RRBP1: variants seen among roughly 807,000 people sequenced by gnomAD.
RRBP1 encodes the protein ribosome binding protein 1.
Under a neutral mutation model 165.2 loss-of-function variants are expected in RRBP1, and 94 were observed. That is an observed-to-expected ratio of 0.57 (90% CI 0.48 to 0.68). RRBP1 has a LOEUF of 0.68. Ranked by LOEUF, RRBP1 falls within the 30% of genes least tolerant of loss-of-function variation. The probability of loss-of-function intolerance (pLI) is 0.00; values close to 1 mark genes in which losing one functional copy is unlikely to be tolerated. For synonymous variants in RRBP1, 680 were observed against 714.5 expected (o/e 0.95, Z 0.77); for missense variants, 1,676 against 1,763.0 (o/e 0.95, Z 0.88).
At chr20:17,627,059 G>A (rs2036037449) in intron 11 of RRBP1, among the ~76,000 whole-genome samples, 2 of 152,230 alleles carry the variant, frequency 1.3e-5, no homozygotes, top group South Asian at 4.1e-4. Context: ...TTCCCACAGA[G>A]AGATGGACAG....
At chr20:17,641,983 C>A in intron 4 of RRBP1, 64 bp from the exon 5 acceptor site, 1 of 1,552,918 alleles carries the variant, frequency 6.4e-7, no homozygotes. Context: ...CCCCTGACCC[C>A]GGACAAGAGC....
chr20:17,614,685 G>A, intron 24 of RRBP1, 52 bp downstream of exon 24: 1 of 1,600,166 alleles, frequency 6.2e-7, no homozygotes, highest in Non-Finnish European at 8.5e-7. Flanking sequence ...TGCCTCCCCG[G>A]GGCTCCCGGC....
intron 2 of RRBP1, among the ~76,000 whole-genome samples, chr20:17,673,876 G>A (rs758357314): frequency 6.6e-6 from 1 of 152,096 alleles, no homozygotes; most frequent in Non-Finnish European, 1.5e-5. Context: ...TTTTCATTAA[G>A]AGTCTCAATA....
At chr20:17,648,545 A>G (rs1191887486) in intron 3 of RRBP1, among the ~76,000 whole-genome samples, 2 of 152,242 alleles carry the variant, frequency 1.3e-5, no homozygotes, top group African/African-American at 4.8e-5. Flanking sequence ...CTTTAAGGGC[A>G]ATGGAGCTCA....
intron 3 of RRBP1, among the ~76,000 whole-genome samples, chr20:17,646,428 C>T (rs942359987): frequency 6.6e-6 from 1 of 152,252 alleles, no homozygotes; most frequent in Admixed American, 6.5e-5. Flanking sequence ...CCTCTGGGAC[C>T]AGGTGGCCTG....
At chr20:17,637,215 G>C (rs957984786) in intron 5 of RRBP1, among the ~76,000 whole-genome samples, 15 of 152,172 alleles carry the variant, frequency 9.9e-5, no homozygotes, top group African/African-American at 3.6e-4. Flanking sequence ...GGTAGGGCAT[G>C]CATCTCTGCA....
intron 4 of RRBP1, among the ~76,000 whole-genome samples, chr20:17,642,321 T>C (rs929165696): frequency 1.3e-5 from 2 of 151,848 alleles, no homozygotes; most frequent in African/African-American, 4.8e-5. Context: ...GAGCCAGGCC[T>C]CTCCCTGGTC....
chr20:17,618,510 G>T, intron 20 of RRBP1, 86 bp downstream of exon 20: 2 of 1,064,818 alleles, frequency 1.9e-6, no homozygotes, highest in Non-Finnish European at 2.9e-6. Context: ...TCTTTGAGTG[G>T]ACACAAACGC....
intron 5 of RRBP1, among the ~76,000 whole-genome samples, chr20:17,639,982 C>G (rs575090552): frequency 6.6e-6 from 1 of 151,726 alleles, no homozygotes; most frequent in Non-Finnish European, 1.5e-5. Flanking sequence ...GGAAGAGAAA[C>G]GGCCAAAGGC....
chr20:17,641,970 C>A, intron 4 of RRBP1, 51 bp from the exon 5 acceptor site: 1 of 1,581,954 alleles, frequency 6.3e-7, no homozygotes, highest in South Asian at 1.1e-5. Context: ...GGACTTGGCT[C>A]ATCCCCTGAC....
intron 3 of RRBP1, among the ~76,000 whole-genome samples, chr20:17,656,518 G>T (rs1019539553): frequency 6.6e-6 from 1 of 152,134 alleles, no homozygotes; most frequent in African/African-American, 2.4e-5. Flanking sequence ...TGAACACACT[G>T]CCCTAGATCA....
chr20:17,665,803 T>G (rs1244135881), intron 2 of RRBP1, among the ~76,000 whole-genome samples: 1 of 152,210 alleles, frequency 6.6e-6, no homozygotes, highest in African/African-American at 2.4e-5. Context: ...TTTTACTGTT[T>G]ATAAGTTATT....
At chr20:17,631,029 C>T (rs746148353) in intron 8 of RRBP1, among the ~76,000 whole-genome samples, 2 of 152,226 alleles carry the variant, frequency 1.3e-5, no homozygotes, top group East Asian at 1.9e-4. Flanking sequence ...CCGTGGTTCA[C>T]GTGTACTGTG....
chr20:17,656,838 ATCT>A (rs1262392102), intron 3 of RRBP1, among the ~76,000 whole-genome samples: 2 of 152,216 alleles, frequency 1.3e-5, no homozygotes, highest in Non-Finnish European at 2.9e-5. Context: ...ATAATATTTC[ATCT>A]TCTTCTCCTG....
chr20:17,615,572 A>G (rs1425059316), intron 22 of RRBP1, 43 bp from the exon 23 acceptor site: 2 of 1,528,312 alleles, frequency 1.3e-6, no homozygotes, highest in African/African-American at 2.8e-5. Flanking sequence ...ACGTCTTATA[A>G]ACGGCTGTGC....
Position 17,621,677 on chromosome 20 carries a change from C to T in RRBP1, c.3324+13G>A, listed in dbSNP as rs1372738063. The T allele has an allele frequency of 1.2e-6, 2 of 1,612,524 alleles. No homozygotes were observed. Among genetic ancestry groups the T allele is most frequent in the Admixed American group, 1.7e-5 (1 of 59,940 alleles). ...AGCCCAACAGAGGAGCCTTGCCAGG[C>T]AGCCACACTTACCGAGGAGGGCTCC... On this transcript the variant is annotated intron_variant, in intron 15 of 24. Coordinates refer to ENST00000377813, the MANE Select transcript of RRBP1 (RefSeq NM_001365613.2).
intron 5 of RRBP1, among the ~76,000 whole-genome samples, chr20:17,638,167 C>T (rs890141799): frequency 6.6e-6 from 1 of 152,234 alleles, no homozygotes; most frequent in Non-Finnish European, 1.5e-5. Flanking sequence ...CTCTAACACA[C>T]GTGGCCCCAC....
chr20:17,680,622 G>A (rs776459637), intron 1 of RRBP1, among the ~76,000 whole-genome samples: 23 of 152,202 alleles, frequency 1.5e-4, no homozygotes, highest in Middle Eastern at 3.4e-3. Context: ...CCCTGTGAGT[G>A]GGTGGTGCTG....
chr20:17,643,054 G>T lies in RRBP1; in HGVS notation c.1986C>A (p.Phe662Leu). The change falls in exon 4 of 25, where the codon TTC becomes TTA. Residue 662 changes from phenylalanine to leucine, a missense_variant. Around this residue, in one of 5 missense-constraint regions of RRBP1, gnomAD observed 1,184 missense variants for 1,167.1 expected, o/e 1.01. Transcript: ENST00000377813. This position sits in a 1 kb window ranked among gnomAD's most constrained non-coding sequence, Gnocchi z 4.3. Reference sequence around the variant, plus strand: ...TGAGCCGCTGGGCCTCGCCCTCGTTGAACACCATGCTCCCAACCGTGGAGA... The same window carrying T: ...TGAGCCGCTGGGCCTCGCCCTCGTTTAACACCATGCTCCCAACCGTGGAGA... Reference protein sequence around the residue: ...TLVSTVGSMVFNEGEAQRLIE... With the variant: ...TLVSTVGSMVLNEGEAQRLIE... The T allele has an allele frequency of 6.2e-7, 1 of 1,614,106 alleles. No individual in the cohort carries two copies. Among genetic ancestry groups the T allele is most frequent in the Non-Finnish European group, 8.5e-7 (1 of 1,180,028 alleles).
Sources: gnomAD v4.1 joint callset for allele counts (sites outside exome capture counted in the v4.1 genomes callset) on GRCh38, gnomAD v4.1.1 for gene constraint, gnomAD v4.1.1 regional missense constraint, Gnocchi (gnomAD v3.1) non-coding constraint, MANE v1.5 for transcripts, NCBI Gene and HGNC (gene_info 2026-07-23, HGNC 2026-07-21) for gene names.